ANKRD36: variants seen among roughly 807,000 people sequenced by gnomAD.
The protein encoded by ANKRD36 is ankyrin repeat domain 36.
ANKRD36 carries 179 observed loss-of-function variants against 278.1 expected under a neutral mutation model. The observed-to-expected ratio is 0.64, with a 90% CI of 0.57 to 0.73. The LOEUF (loss-of-function observed/expected upper bound fraction) is 0.73. Among genes scored for constraint, ANKRD36 ranks in the 30% least tolerant of loss-of-function variants. ANKRD36 has a pLI of 0.00. For synonymous variants in ANKRD36, 320 were observed against 641.1 expected (o/e 0.50, Z 7.57); for missense variants, 1,159 against 1,956.7 (o/e 0.59, Z 7.69).
At chr2:97,250,451 A>G (rs1463214032) in intron 75 of ANKRD36, among the ~76,000 whole-genome samples, 1 of 136,082 alleles carries the variant, frequency 7.3e-6, no homozygotes, top group Non-Finnish European at 1.5e-5. Flanking sequence ...TGCCACCCCT[A>G]TAGACTATCA....
rs1434195003 is a variant in ANKRD36, at chr2:97,204,346, C to T, written c.3061+83C>T. 53 of 1,427,020 alleles carry T rather than the reference C, an allele frequency of 3.7e-5. No homozygotes were observed. In the East Asian group the frequency reaches 6.7e-4, roughly 18 times the overall value. 88.4% of individuals were successfully genotyped at this position (1,427,020 alleles called of 1,614,324 possible). A position where few individuals can be genotyped will look rare whatever the true frequency, so the allele number is the denominator to read the frequency against. On this transcript the variant is annotated intron_variant, in intron 50 of 75. Transcript: ENST00000420699. ...TCCCTGAATAAATCAGCGGGGGGCTCGTTGAAGCTGCACATTCTGATTCAG... is the reference window on the plus strand; with the variant it reads ...TCCCTGAATAAATCAGCGGGGGGCTTGTTGAAGCTGCACATTCTGATTCAG...
intron 10 of ANKRD36, among the ~76,000 whole-genome samples, chr2:97,145,609 G>T (rs1274020720): frequency 6.6e-6 from 1 of 151,838 alleles, no homozygotes; most frequent in Non-Finnish European, 1.5e-5. Flanking sequence ...AATTAATATT[G>T]GAGTGATTTC....
intron 6 of ANKRD36, among the ~76,000 whole-genome samples, chr2:97,133,512 A>T (rs1295444947): frequency 2.6e-5 from 4 of 152,022 alleles, no homozygotes; most frequent in Admixed American, 2.6e-4. Context: ...TAGATGGTTC[A>T]GTTTTGTTTT....
At chr2:97,219,582 A>T (rs1196508403) in intron 66 of ANKRD36, among the ~76,000 whole-genome samples, 2 of 148,354 alleles carry the variant, frequency 1.3e-5, no homozygotes, top group East Asian at 4.1e-4. Flanking sequence ...TCCTGGTTCA[A>T]GCAATTCTCT....
At chr2:97,196,332 A>G (rs1247240138) in intron 40 of ANKRD36, among the ~76,000 whole-genome samples, 1 of 151,944 alleles carries the variant, frequency 6.6e-6, no homozygotes, top group East Asian at 1.9e-4. Flanking sequence ...AGACATTGAT[A>G]TTGATACGGT....
At position 97,179,930 on chromosome 2, in the gene ANKRD36, A is replaced by C. The variant is rs778932380; in HGVS notation, c.1732A>C (p.Thr578Pro). The C allele has an allele frequency of 4.4e-6, 7 of 1,605,128 alleles. No homozygotes were observed. The highest frequency in any genetic ancestry group is 5.9e-6 in the Non-Finnish European group (7 of 1,178,232). ...AATAAAGGAGGGACCAATATCTGGG[A>C]CAGGTAATTTTGCAAAACACATCTA... is the stretch of plus-strand genomic sequence containing the variant. ...TEIKEGPISG[T>P]VSSQKQPAEK... The change falls in exon 24 of 76, where the codon ACA (threonine) becomes CCA (proline). Residue 578 changes from threonine to proline, a missense_variant. By Grantham distance (38) the Thr-to-Pro change is conservative. Coordinates refer to ENST00000420699, the MANE Select transcript of ANKRD36 (RefSeq NM_001354587.1).
chr2:97,216,052 T>C (rs1172061870), intron 62 of ANKRD36, among the ~76,000 whole-genome samples: 1 of 151,730 alleles, frequency 6.6e-6, no homozygotes, highest in Non-Finnish European at 1.5e-5. Context: ...TCAGATAAAT[T>C]TGGAATATTT....
intron 67 of ANKRD36, among the ~76,000 whole-genome samples, chr2:97,233,391 G>C (rs1434123948): frequency 1.3e-5 from 2 of 149,666 alleles, no homozygotes; most frequent in African/African-American, 4.9e-5. Context: ...GTGTAAAATG[G>C]GGTAATCTAA....
At chr2:97,196,316 G>A (rs1364971059) in intron 40 of ANKRD36, among the ~76,000 whole-genome samples, 4 of 88,390 alleles carry the variant, frequency 4.5e-5, no homozygotes, top group African/African-American at 1.1e-4. Context: ...CTCATCACTC[G>A]GCCTAAGACA....
Position 97,158,914 on chromosome 2 carries a change from G to A in ANKRD36, c.1389+259G>A, listed in dbSNP as rs765234616. Among the ~76,000 whole-genome samples the A allele has an allele frequency of 6.6e-5, 10 of 152,078 alleles. 1 individual carries two copies. Among genetic ancestry groups the A allele is most frequent in the Non-Finnish European group, 1.2e-4 (8 of 68,048 alleles). ...AAGGGAAATGTATGCATGGGACTAGGATTCCTAAAAGGTCATGGGAGTAAA... is the reference window on the plus strand; with the variant it reads ...AAGGGAAATGTATGCATGGGACTAGAATTCCTAAAAGGTCATGGGAGTAAA... On this transcript the variant is annotated intron_variant, in intron 17 of 75. Transcript: ENST00000420699.
At chr2:97,216,693 A>C (rs999593640) in intron 62 of ANKRD36, 1 of 321,042 alleles carries the variant, frequency 3.1e-6, no homozygotes, top group African/African-American at 2.2e-5. Context: ...TGAAGTGTAC[A>C]TTCAACTGAA....
At chr2:97,211,957 G>A (rs1458426666) in intron 58 of ANKRD36, among the ~76,000 whole-genome samples, 1 of 151,802 alleles carries the variant, frequency 6.6e-6, no homozygotes, top group East Asian at 2.0e-4. Context: ...TTTGAAATTG[G>A]GAAAAAGAAC....
At chr2:97,211,289 A>G (rs576101704) in intron 56 of ANKRD36, among the ~76,000 whole-genome samples, 1 of 152,028 alleles carries the variant, frequency 6.6e-6, no homozygotes, top group East Asian at 2.0e-4. Flanking sequence ...ATTGATATTG[A>G]CAGGGCTTTA....
intron 15 of ANKRD36, among the ~76,000 whole-genome samples, chr2:97,157,688 C>G (rs2047833369): frequency 6.9e-6 from 1 of 145,324 alleles, no homozygotes; most frequent in Non-Finnish European, 1.5e-5. Context: ...TACATTCTCA[C>G]ATTTTTTCCC....
At chr2:97,158,518 C>T in intron 16 of ANKRD36, 70 bp from the exon 17 acceptor site, 1 of 1,495,754 alleles carries the variant, frequency 6.7e-7, no homozygotes, top group African/African-American at 1.4e-5. Context: ...TGAGCCCCCA[C>T]ACCCGGTTCT....
chr2:97,174,912 A>C (rs1183373519), intron 22 of ANKRD36, among the ~76,000 whole-genome samples: 17 of 148,578 alleles, frequency 1.1e-4, no homozygotes, highest in Admixed American at 2.0e-4. Flanking sequence ...GGCTCTGTTT[A>C]TATGCTGGAT....
chr2:97,146,361 T>C lies in ANKRD36; in HGVS notation c.1004-125T>C, dbSNP rs890466875. 2.3e-5 allele frequency: 16 copies of C among 688,356 alleles called. 1 individual carries two copies. The South Asian group carries it at 3.1e-4, about 13-fold the overall frequency. 42.6% of individuals were successfully genotyped at this position (688,356 alleles called of 1,614,324 possible). ...TGAAATGCCTGGGCTTCTCAAGTGA[T>C]ATTTCTGCCTCAGCCTTTTGAGTAG... On this transcript the variant is annotated intron_variant, in intron 10 of 75. Transcript: ENST00000420699.
intron 58 of ANKRD36, 96 bp downstream of exon 58, chr2:97,211,837 T>C: frequency 1.5e-6 from 2 of 1,374,968 alleles, no homozygotes; most frequent in Non-Finnish European, 1.0e-6. Context: ...CAAGCCTTCA[T>C]GTTCTGCTTC....
At chr2:97,235,075 A>G (rs1387404082) in intron 68 of ANKRD36, among the ~76,000 whole-genome samples, 1 of 150,340 alleles carries the variant, frequency 6.7e-6, no homozygotes, top group Non-Finnish European at 1.5e-5. Context: ...CATATGTAAA[A>G]ATGTTTGCCT....
Sources: allele counts gnomAD v4.1 joint callset (sites outside exome capture counted in the v4.1 genomes callset), GRCh38; gene constraint gnomAD v4.1.1; transcripts MANE v1.5; gene names NCBI Gene and HGNC (gene_info 2026-07-23, HGNC 2026-07-21).